Variants in LRGUK observed in about 807,000 individuals in gnomAD.
The protein encoded by LRGUK is leucine-rich repeat and guanylate kinase domain-containing protein.
A neutral mutation model predicts 76.0 loss-of-function variants in LRGUK; 65 were observed. The observed-to-expected ratio is 0.85, with a 90% CI of 0.70 to 1.05. LRGUK has a LOEUF of 1.05. Among genes scored for constraint, LRGUK ranks in the 50% least tolerant of loss-of-function variants. The pLI, the probability that LRGUK is intolerant of heterozygous loss-of-function variation, is 0.00. For synonymous variants in LRGUK, 268 were observed against 265.6 expected (o/e 1.01, Z -0.09); for missense variants, 758 against 732.8 (o/e 1.03, Z -0.40).
At chr7:134,251,498 C>T (rs569827217) in intron 18 of LRGUK, among the ~76,000 whole-genome samples, 46 of 152,128 alleles carry the variant, frequency 3.0e-4, no homozygotes, top group Non-Finnish European at 6.2e-4. Context: ...TTGTTTAAGC[C>T]ACTCAGTTCA....
intron 6 of LRGUK, among the ~76,000 whole-genome samples, chr7:134,158,379 G>C (rs116721723): frequency 0.016 from 2,387 of 152,156 alleles, 60 homozygotes; most frequent in African/African-American, 0.054. Flanking sequence ...AAAGTAAAAT[G>C]ATTTGCTAAT....
chr7:134,185,178 C>T (rs774224672), intron 11 of LRGUK, among the ~76,000 whole-genome samples: 2 of 151,802 alleles, frequency 1.3e-5, no homozygotes, highest in African/African-American at 2.4e-5. Context: ...GGAACATATC[C>T]GAAAAACTAG....
chr7:134,253,451 G>A lies in LRGUK; in HGVS notation c.2198+4375G>A, dbSNP rs115585139. Among the ~76,000 whole-genome samples, 872 of 152,296 alleles carry A rather than the reference G, an allele frequency of 5.7e-3. 11 individuals are homozygous for A. The highest frequency in any genetic ancestry group is 0.02 in the African/African-American group (812 of 41,556). ...GAATAGTGATAGAACTATGTAGGGGGAGTGTTATAAAGTGAGTTAAGTTCT... is the reference window on the plus strand; with the variant it reads ...GAATAGTGATAGAACTATGTAGGGGAAGTGTTATAAAGTGAGTTAAGTTCT... On this transcript the variant is annotated intron_variant, in intron 18 of 19. Coordinates refer to the LRGUK transcript ENST00000285928.
downstream of LRGUK, among the ~76,000 whole-genome samples, chr7:134,210,945 G>A (rs573600056): frequency 6.6e-6 from 1 of 152,326 alleles, no homozygotes; most frequent in African/African-American, 2.4e-5. Context: ...CGCCCCAGGA[G>A]CAGTCAGAGC....
chr7:134,137,279 A>C, intron 2 of LRGUK, 149 bp downstream of exon 2: 2 of 631,290 alleles, frequency 3.2e-6, no homozygotes, highest in East Asian at 5.5e-5. Context: ...TATTTCTGTA[A>C]ATATTAGACT....
exon 7 of LRGUK, chr7:134,163,470 A>G (rs754491485): frequency 1.2e-6 from 2 of 1,613,854 alleles, no homozygotes; most frequent in African/African-American, 1.3e-5. Flanking sequence ...CTGTCCCACA[A>G]TCAGATAAGC....
chr7:134,227,952 C>G (rs1232002207), intron 16 of LRGUK, among the ~76,000 whole-genome samples: 1 of 151,908 alleles, frequency 6.6e-6, no homozygotes, highest in Non-Finnish European at 1.5e-5. Context: ...GGAAGAGAAA[C>G]AAGATTTGAA....
intron 16 of LRGUK, among the ~76,000 whole-genome samples, chr7:134,226,396 A>G (rs1009420754): frequency 2.0e-5 from 3 of 152,112 alleles, no homozygotes; most frequent in African/African-American, 7.2e-5. Flanking sequence ...CTGTAATCTA[A>G]TATTCTCTTC....
intron 12 of LRGUK, among the ~76,000 whole-genome samples, chr7:134,196,330 C>T (rs565490546): frequency 4.0e-5 from 6 of 151,788 alleles, no homozygotes; most frequent in Non-Finnish European, 5.9e-5. Flanking sequence ...AAGGGAATAC[C>T]GTTTTTGGAA....
At chr7:134,164,561 A>G (rs1798891087) in intron 7 of LRGUK, among the ~76,000 whole-genome samples, 1 of 152,244 alleles carries the variant, frequency 6.6e-6, no homozygotes, top group Admixed American at 6.5e-5. Flanking sequence ...TATTTTATTT[A>G]TATCGAATAC....
chr7:134,176,892 C>A, intron 8 of LRGUK, 85 bp from the exon 9 acceptor site: 1 of 759,806 alleles, frequency 1.3e-6, no homozygotes, highest in Non-Finnish European at 2.3e-6. Context: ...AGGTGAAAGG[C>A]CCAAGCTCAT....
chr7:134,272,787 G>T, the LRGUK span, among the ~76,000 whole-genome samples: 1 of 152,132 alleles, frequency 6.6e-6, no homozygotes, highest in Non-Finnish European at 1.5e-5. Flanking sequence ...GATTAAGCTA[G>T]GTAATGCATC....
chr7:134,260,900 G>T (rs905852523), intron 19 of LRGUK, among the ~76,000 whole-genome samples: 4 of 152,146 alleles, frequency 2.6e-5, no homozygotes, highest in South Asian at 2.1e-4. Flanking sequence ...TACTCTCTCT[G>T]GTTTATAGAA....
At chr7:134,159,278 A>G (rs79223719) in intron 6 of LRGUK, among the ~76,000 whole-genome samples, 18,385 of 150,724 alleles carry the variant, frequency 0.12, 1,420 homozygotes, top group East Asian at 0.32. Flanking sequence ...TCAAGGCTGC[A>G]GTGAGTCACG....
intron 7 of LRGUK, among the ~76,000 whole-genome samples, chr7:134,165,375 C>T (rs1003962811): frequency 7.9e-5 from 12 of 152,224 alleles, no homozygotes; most frequent in African/African-American, 2.2e-4. Context: ...GGTTTGCCTC[C>T]GGTTTCAATG....
At chr7:134,272,036 A>G in the LRGUK span, among the ~76,000 whole-genome samples, 6 of 151,768 alleles carry the variant, frequency 4.0e-5, no homozygotes, top group Non-Finnish European at 7.4e-5. Flanking sequence ...GCTGCACTGG[A>G]GACAATCTTC....
Position 134,237,844 on chromosome 7 carries a change from TTAAG to T in LRGUK, c.1984-9710_1984-9707del, listed in dbSNP as rs1016899304. On this transcript the variant is annotated intron_variant, in intron 16 of 19. Coordinates refer to the LRGUK transcript ENST00000285928. ...AATTCAGGACTTTCAAGATTTTTACTTAAGTTTTTTTCTATTATGTATTTCTCTT... is the reference window on the plus strand; with the variant it reads ...AATTCAGGACTTTCAAGATTTTTACTTTTTTTTCTATTATGTATTTCTCTT... Among the ~76,000 whole-genome samples the T allele has an allele frequency of 3.0e-4, 46 of 152,202 alleles. 2 individuals carry two copies. Among genetic ancestry groups the T allele is most frequent in the Non-Finnish European group, 2.9e-5 (2 of 68,032 alleles).
chr7:134,171,289 T>G (rs1029416444), intron 7 of LRGUK, among the ~76,000 whole-genome samples: 1 of 152,120 alleles, frequency 6.6e-6, no homozygotes, highest in African/African-American at 2.4e-5. Context: ...AGTTGATGGG[T>G]TCCCCGCAGT....
chr7:134,143,063 T>C (rs925635792), exon 4 of LRGUK: 4 of 1,545,130 alleles, frequency 2.6e-6, no homozygotes, highest in Non-Finnish European at 3.6e-6. Flanking sequence ...CCTCCGTAGA[T>C]TTATCTTGTG....
Sources: gnomAD v4.1 joint callset for allele counts (sites outside exome capture counted in the v4.1 genomes callset) on GRCh38, gnomAD v4.1.1 for gene constraint, MANE v1.5 for transcripts, NCBI Gene and HGNC (gene_info 2026-07-23, HGNC 2026-07-21) for gene names.